KCNH8: variants seen among roughly 807,000 people sequenced by gnomAD.
The protein encoded by KCNH8 is potassium voltage-gated channel subfamily H member 8.
In KCNH8, 70 loss-of-function variants were observed where a neutral mutation model predicts 103.6. The ratio of observed to expected loss-of-function variants is 0.68; its 90% confidence interval spans 0.56 to 0.82. The LOEUF is 0.82. KCNH8 is among the 40% of genes least tolerant of loss of function. The pLI is 0.00. For synonymous variants in KCNH8, 498 were observed against 489.4 expected (o/e 1.02, Z -0.23); for missense variants, 1,217 against 1,329.9 (o/e 0.92, Z 1.32).
rs192885593 is a variant in KCNH8 at position 19,376,572 on chromosome 3, G to A, written c.812-13909G>A. Among the ~76,000 whole-genome samples the A allele has an allele frequency of 5.3e-3, 812 of 152,278 alleles. 8 individuals are homozygous for A. Among genetic ancestry groups the A allele is most frequent in the African/African-American group, 0.019 (778 of 41,542 alleles). ...ATCACCCGTCTTCTGTGTCGCTCACGCTGGGAGCTGTAGACCGGAGCTGTT... is the reference window on the plus strand; with the variant it reads ...ATCACCCGTCTTCTGTGTCGCTCACACTGGGAGCTGTAGACCGGAGCTGTT... On this transcript the variant is annotated intron_variant, in intron 5 of 15. Transcript: ENST00000328405.
At chr3:19,266,770 A>G (rs1366535008) in intron 2 of KCNH8, among the ~76,000 whole-genome samples, 1 of 152,132 alleles carries the variant, frequency 6.6e-6, no homozygotes, top group Non-Finnish European at 1.5e-5. Flanking sequence ...CTATATTCTC[A>G]CATAAACTCA....
chr3:19,298,397 G>C (rs2065021925), intron 3 of KCNH8, among the ~76,000 whole-genome samples: 2 of 152,226 alleles, frequency 1.3e-5, no homozygotes, highest in Admixed American at 1.3e-4. Flanking sequence ...CCTCTTGTGG[G>C]GTTAACTCAT....
chr3:19,526,517 G>A (rs6549948), intron 15 of KCNH8, among the ~76,000 whole-genome samples: 115,913 of 151,902 alleles, frequency 0.76, 45,177 homozygotes, highest in African/African-American at 0.93. Flanking sequence ...TCATACTTCT[G>A]TTCCCAAAAG....
chr3:19,319,117 C>G (rs1259238988), intron 3 of KCNH8, among the ~76,000 whole-genome samples: 1 of 152,042 alleles, frequency 6.6e-6, no homozygotes, highest in Non-Finnish European at 1.5e-5. Flanking sequence ...TGTGGGTTGT[C>G]TGTTAACTCT....
intron 1 of KCNH8, among the ~76,000 whole-genome samples, chr3:19,184,945 G>A (rs571586260): frequency 6.6e-6 from 1 of 151,952 alleles, no homozygotes; most frequent in South Asian, 2.1e-4. Flanking sequence ...GTTGTAGGAT[G>A]TATCAATATT....
chr3:19,152,371 A>C (rs1559398724), intron 1 of KCNH8, among the ~76,000 whole-genome samples: 1 of 152,208 alleles, frequency 6.6e-6, no homozygotes, highest in Non-Finnish European at 1.5e-5. Context: ...TAAAAAAGAT[A>C]CAAAGCTTTC....
intron 11 of KCNH8, among the ~76,000 whole-genome samples, chr3:19,498,517 G>A (rs949366269): frequency 6.6e-6 from 1 of 152,072 alleles, no homozygotes; most frequent in East Asian, 1.9e-4. Context: ...TAGTTTGGCT[G>A]GATATAAAAT....
chr3:19,258,909 CT>C, intron 2 of KCNH8, among the ~76,000 whole-genome samples: 1 of 29,668 alleles, frequency 3.4e-5, no homozygotes, highest in South Asian at 1.5e-3. Context: ...TTCTGTTTCT[CT>C]CTCTCTCTCT....
At chr3:19,168,331 G>A (rs2063306227) in intron 1 of KCNH8, among the ~76,000 whole-genome samples, 1 of 151,834 alleles carries the variant, frequency 6.6e-6, no homozygotes, top group Non-Finnish European at 1.5e-5. Context: ...CCGGCCCTCT[G>A]TTCCCCACTT....
chr3:19,260,669 T>C (rs2064422363), intron 2 of KCNH8, among the ~76,000 whole-genome samples: 2 of 149,038 alleles, frequency 1.3e-5, no homozygotes, highest in African/African-American at 4.9e-5. Flanking sequence ...TATTATTAAC[T>C]ATAGTCTTCT....
intron 1 of KCNH8, among the ~76,000 whole-genome samples, chr3:19,170,029 TGGA>T (rs1295196704): frequency 6.6e-6 from 1 of 152,212 alleles, no homozygotes; most frequent in Non-Finnish European, 1.5e-5. Flanking sequence ...TTGAGATCTG[TGGA>T]GGAGATCCAC....
intron 5 of KCNH8, among the ~76,000 whole-genome samples, chr3:19,373,987 T>G (rs1032847654): frequency 2.0e-5 from 3 of 152,240 alleles, no homozygotes; most frequent in Non-Finnish European, 2.9e-5. Flanking sequence ...TTTGTTACAG[T>G]CTCTGTTCTT....
At chr3:19,264,148 T>A (rs1314460406) in intron 2 of KCNH8, among the ~76,000 whole-genome samples, 1 of 152,054 alleles carries the variant, frequency 6.6e-6, no homozygotes, top group Non-Finnish European at 1.5e-5. Flanking sequence ...GATTAATATT[T>A]TATATTTGCC....
chr3:19,287,783 A>G (rs988748098), intron 3 of KCNH8, among the ~76,000 whole-genome samples: 4 of 152,128 alleles, frequency 2.6e-5, no homozygotes, highest in Admixed American at 6.6e-5. Context: ...ACGGGGTTTC[A>G]TCATGTTGGC....
chr3:19,435,220 T>C (rs921153039), intron 7 of KCNH8, among the ~76,000 whole-genome samples: 14 of 152,084 alleles, frequency 9.2e-5, no homozygotes, highest in Admixed American at 9.2e-4. Flanking sequence ...AATCAAAATA[T>C]GCCCAAAAGA....
intron 3 of KCNH8, among the ~76,000 whole-genome samples, chr3:19,314,544 T>G (rs1001588122): frequency 1.3e-5 from 2 of 151,990 alleles, no homozygotes; most frequent in Admixed American, 1.3e-4. Flanking sequence ...CAGTCTGGCC[T>G]GTGCTACAGA....
intron 1 of KCNH8, among the ~76,000 whole-genome samples, chr3:19,215,178 T>G (rs1366854000): frequency 6.6e-6 from 1 of 152,208 alleles, no homozygotes; most frequent in Non-Finnish European, 1.5e-5. Flanking sequence ...CAGGTTTATT[T>G]GGGGTAGAGT....
At chr3:19,457,237 T>G (rs1461387421) in intron 11 of KCNH8, among the ~76,000 whole-genome samples, 1 of 152,014 alleles carries the variant, frequency 6.6e-6, no homozygotes, top group Non-Finnish European at 1.5e-5. Flanking sequence ...TTCATATGCT[T>G]AAAACTACAA....
chr3:19,500,735 G>C (rs2068562059), intron 11 of KCNH8, among the ~76,000 whole-genome samples: 1 of 151,990 alleles, frequency 6.6e-6, no homozygotes, highest in South Asian at 2.1e-4. Flanking sequence ...AAACCAACGA[G>C]AACAAAGACA....
Sources: allele counts gnomAD v4.1 joint callset (sites outside exome capture counted in the v4.1 genomes callset), GRCh38; gene constraint gnomAD v4.1.1; transcripts MANE v1.5; gene names NCBI Gene and HGNC (gene_info 2026-07-23, HGNC 2026-07-21).